Variants in TRIP12 observed in about 807,000 individuals in gnomAD.
TRIP12 encodes thyroid hormone receptor interactor 12, also known as E3 ubiquitin-protein ligase TRIP12.
Under a neutral mutation model 244.2 loss-of-function variants are expected in TRIP12, and 25 were observed. The observed-to-expected ratio is 0.10, with a 90% CI of 0.07 to 0.14. The LOEUF (loss-of-function observed/expected upper bound fraction) is 0.14, where lower values mean the gene tolerates loss of function less well. Among genes scored for constraint, TRIP12 ranks in the 10% least tolerant of loss-of-function variants. The pLI is 1.00. For synonymous variants in TRIP12, 905 were observed against 873.1 expected, an observed-to-expected ratio of 1.04 and a Z score of -0.64; for missense variants, 1,677 against 2,486.4, an observed-to-expected ratio of 0.67 and a Z score of 6.92.
intron 1 of TRIP12, among the ~76,000 whole-genome samples, chr2:229,901,447 C>G (rs1459272513): frequency 6.6e-6 from 1 of 150,788 alleles, no homozygotes; most frequent in South Asian, 2.1e-4. Context: ...ATGGTGAAAC[C>G]CCCCTCCTCT....
At chr2:229,786,396 CT>C (rs34138414) in intron 33 of TRIP12, among the ~76,000 whole-genome samples, 36,263 of 127,790 alleles carry the variant, frequency 0.28, 5,275 homozygotes, top group Middle Eastern at 0.46. Context: ...AATAGGATGA[CT>C]TTTTTTTTTT....
chr2:229,823,026 A>T (rs1408863176), intron 8 of TRIP12, among the ~76,000 whole-genome samples: 1 of 152,234 alleles, frequency 6.6e-6, no homozygotes, highest in African/African-American at 2.4e-5. Flanking sequence ...AAGAGAAAAA[A>T]TTCTGAAAAC....
At chr2:229,878,724 G>T (rs943669381) in intron 2 of TRIP12, among the ~76,000 whole-genome samples, 11 of 151,382 alleles carry the variant, frequency 7.3e-5, no homozygotes, top group Non-Finnish European at 1.5e-4. Flanking sequence ...GGGACTACAG[G>T]CGCCCACCAC....
At chr2:229,890,078 CTCTTT>C (rs1241445431) in intron 1 of TRIP12, among the ~76,000 whole-genome samples, 1 of 110,042 alleles carries the variant, frequency 9.1e-6, no homozygotes, top group African/African-American at 3.3e-5. Flanking sequence ...CAGAGGTTAA[CTCTTT>C]TTTTTTTTTT....
intron 41 of TRIP12, among the ~76,000 whole-genome samples, chr2:229,768,304 A>G (rs1019841057): frequency 2.0e-5 from 3 of 152,206 alleles, no homozygotes; most frequent in Non-Finnish European, 4.4e-5. Flanking sequence ...TTTAACTTAC[A>G]TTAGGATTCA....
intron 26 of TRIP12, 82 bp from the exon 27 acceptor site, chr2:229,793,227 CA>C (rs2154260984): frequency 7.2e-7 from 1 of 1,385,900 alleles, no homozygotes; most frequent in East Asian, 2.5e-5. Context: ...CAAGTTAATA[CA>C]AACTGCATTT....
intron 1 of TRIP12, among the ~76,000 whole-genome samples, chr2:229,899,408 A>G (rs1279990112): frequency 6.6e-6 from 1 of 152,252 alleles, no homozygotes; most frequent in Admixed American, 6.5e-5. Flanking sequence ...GAGCTAGAAT[A>G]AACTAGACCA....
intron 4 of TRIP12, among the ~76,000 whole-genome samples, chr2:229,858,369 CATAT>C (rs1234449041): frequency 6.6e-6 from 1 of 152,064 alleles, no homozygotes; most frequent in African/African-American, 2.4e-5. Context: ...TCTAAAAAAA[CATAT>C]ATATATTTGA....
In TRIP12 at chr2:229,764,281, T is replaced by A. The variant is rs1320916317; in HGVS notation, c.*3273A>T. The A allele has an allele frequency of 6.6e-6, 1 of 152,226 alleles. No homozygotes were observed. The highest frequency in any genetic ancestry group is 1.5e-5 in the Non-Finnish European group (1 of 68,048). The allele number at this position is 152,226 out of a possible 1,614,324, so 9.4% of individuals were successfully genotyped here. A position where few individuals can be genotyped will look rare whatever the true frequency, so the allele number is the denominator to read the frequency against. ...TTACCGTGTATGTCAACTACTGCAATGTCAAACCTAAGACTTATACAAAAG... is the reference window on the plus strand; with the variant it reads ...TTACCGTGTATGTCAACTACTGCAAAGTCAAACCTAAGACTTATACAAAAG... On this transcript the variant is annotated 3_prime_UTR_variant, in exon 42 of 42. Transcript: ENST00000675903.
At chr2:229,903,018 C>CTTTTCTT (rs2071501446) in intron 1 of TRIP12, among the ~76,000 whole-genome samples, 2 of 104,898 alleles carry the variant, frequency 1.9e-5, no homozygotes, top group African/African-American at 6.3e-5. Context: ...TTCTTTTTTT[C>CTTTTCTT]TTTTTTTTTT....
chr2:229,899,878 C>G (rs2070119881), intron 1 of TRIP12, among the ~76,000 whole-genome samples: 1 of 152,178 alleles, frequency 6.6e-6, no homozygotes, highest in Non-Finnish European at 1.5e-5. Flanking sequence ...ATGCAAACAA[C>G]TGAAATGACA....
At chr2:229,835,435 G>C (rs1288842278) in intron 6 of TRIP12, among the ~76,000 whole-genome samples, 2 of 152,054 alleles carry the variant, frequency 1.3e-5, no homozygotes, top group Non-Finnish European at 2.9e-5. Context: ...TTATATATTC[G>C]TATAAATTAT....
In TRIP12 at chr2:229,795,397, A is replaced by G; in HGVS notation, c.3817-67T>C. ...CAAAACAAAAGTCTCCTCAAAGAGAAGATTTAATAAGCAGCTTTATAAAAG... is the reference window on the plus strand; with the variant it reads ...CAAAACAAAAGTCTCCTCAAAGAGAGGATTTAATAAGCAGCTTTATAAAAG... On this transcript the variant is annotated intron_variant, in intron 25 of 41. Transcript: ENST00000675903. 5 of 1,513,550 alleles carry G rather than the reference A, an allele frequency of 3.3e-6. No homozygotes were observed. The South Asian group carries it at 3.8e-5, about 11-fold the overall frequency. The allele number at this position is 1,513,550 out of a possible 1,614,324, so 93.8% of individuals were successfully genotyped here. A position where few individuals can be genotyped will look rare whatever the true frequency, so the allele number is the denominator to read the frequency against.
chr2:229,864,043 AGAGAGTGTGTGT>A (rs1165013975), intron 2 of TRIP12, among the ~76,000 whole-genome samples: 11 of 72,116 alleles, frequency 1.5e-4, no homozygotes, highest in African/African-American at 5.0e-4. Context: ...AGAGAGAGAG[AGAGAGTGTGTGT>A]GTGTGTGTGT....
chr2:229,807,527 A>G (rs1412796133), intron 17 of TRIP12, 181 bp downstream of exon 17: 1 of 716,894 alleles, frequency 1.4e-6, no homozygotes, highest in Non-Finnish European at 2.4e-6. Context: ...GCAGGACTAG[A>G]ACATGAAGTT....
At chr2:229,769,167 A>G in intron 40 of TRIP12, 64 bp downstream of exon 40, 1 of 1,392,524 alleles carries the variant, frequency 7.2e-7, no homozygotes, top group Non-Finnish European at 1.0e-6. Context: ...ATGTGTGTGT[A>G]CACACACACC....
intron 18 of TRIP12, among the ~76,000 whole-genome samples, chr2:229,804,939 T>A (rs913534599): frequency 2.0e-5 from 3 of 152,150 alleles, no homozygotes; most frequent in African/African-American, 7.2e-5. Flanking sequence ...AGAGTCTCAC[T>A]CTGTCACCCA....
intron 23 of TRIP12, 100 bp downstream of exon 23, chr2:229,798,775 G>C: frequency 7.9e-7 from 1 of 1,270,632 alleles, no homozygotes; most frequent in Non-Finnish European, 1.1e-6. Context: ...AAAGTGCTGT[G>C]TCTATGTATC....
intron 32 of TRIP12, among the ~76,000 whole-genome samples, chr2:229,788,094 C>T (rs1451314400): frequency 1.3e-5 from 2 of 152,194 alleles, no homozygotes; most frequent in African/African-American, 2.4e-5. Context: ...TGAGCCACCA[C>T]GTCCAGCCAG....
Sources: allele counts gnomAD v4.1 joint callset (sites outside exome capture counted in the v4.1 genomes callset), GRCh38; gene constraint gnomAD v4.1.1; transcripts MANE v1.5; gene names NCBI Gene and HGNC (gene_info 2026-07-23, HGNC 2026-07-21).